LRRC4C: variants seen among roughly 807,000 people sequenced by gnomAD.
The protein encoded by LRRC4C is leucine rich repeat containing 4C, also known as leucine-rich repeat-containing protein 4C.
LRRC4C carries 5 observed loss-of-function variants against 33.6 expected under a neutral mutation model. The ratio of observed to expected loss-of-function variants is 0.15; its 90% CI spans 0.08 to 0.31. LRRC4C has a LOEUF of 0.31. Among genes scored for constraint, LRRC4C ranks in the 10% least tolerant of loss-of-function variants. LRRC4C has a pLI of 1.00. For synonymous variants in LRRC4C, 329 were observed against 302.0 expected (o/e 1.09, Z -0.93); for missense variants, 560 against 796.7 (o/e 0.70, Z 3.58).
At chr11:40,576,283 T>C (rs1958189161) in intron 3 of LRRC4C, among the ~76,000 whole-genome samples, 1 of 152,226 alleles carries the variant, frequency 6.6e-6, no homozygotes, top group Non-Finnish European at 1.5e-5. Context: ...TCCTAAATTG[T>C]GGAACTAAGC....
chr11:40,853,418 A>C (rs1398973828), intron 2 of LRRC4C, among the ~76,000 whole-genome samples: 1 of 148,254 alleles, frequency 6.7e-6, no homozygotes, highest in Admixed American at 6.8e-5. Flanking sequence ...AATTATATTT[A>C]TATATTTATA....
At chr11:40,133,257 G>T (rs1856765716) in intron 6 of LRRC4C, among the ~76,000 whole-genome samples, 1 of 152,082 alleles carries the variant, frequency 6.6e-6, no homozygotes, top group South Asian at 2.1e-4. Flanking sequence ...TACCCAGAAG[G>T]TGTATGGATT....
chr11:41,207,009 T>C (rs890573955), intron 1 of LRRC4C, among the ~76,000 whole-genome samples: 3 of 152,142 alleles, frequency 2.0e-5, no homozygotes, highest in Non-Finnish European at 4.4e-5. Context: ...GTATAATGTA[T>C]AGATTAGCAA....
At chr11:40,223,056 A>G (rs1864533411) in intron 5 of LRRC4C, among the ~76,000 whole-genome samples, 1 of 152,300 alleles carries the variant, frequency 6.6e-6, no homozygotes, top group East Asian at 1.9e-4. Context: ...TAAGAAATAT[A>G]CTAAAAATAA....
intron 3 of LRRC4C, among the ~76,000 whole-genome samples, chr11:40,448,886 T>G (rs961398527): frequency 6.6e-6 from 1 of 152,214 alleles, no homozygotes; most frequent in Admixed American, 6.5e-5. Flanking sequence ...GCATTCCTAT[T>G]TCTCTACATC....
At chr11:40,613,863 G>C (rs1961486317) in intron 3 of LRRC4C, among the ~76,000 whole-genome samples, 1 of 151,838 alleles carries the variant, frequency 6.6e-6, no homozygotes, top group South Asian at 2.1e-4. Context: ...CATTGCTAAT[G>C]AATGGTGATT....
chr11:40,538,465 T>C (rs1956567623), intron 3 of LRRC4C, among the ~76,000 whole-genome samples: 1 of 152,204 alleles, frequency 6.6e-6, no homozygotes, highest in Admixed American at 6.5e-5. Context: ...CATGAACTTA[T>C]CCTTTTTTGT....
At chr11:40,852,566 T>C (rs1323846664) in intron 2 of LRRC4C, among the ~76,000 whole-genome samples, 3 of 152,180 alleles carry the variant, frequency 2.0e-5, no homozygotes, top group Admixed American at 6.5e-5. Flanking sequence ...TTTTAAATGG[T>C]GTGTGTTAAC....
At chr11:41,142,087 A>G (rs1484208590) in intron 1 of LRRC4C, among the ~76,000 whole-genome samples, 1 of 152,208 alleles carries the variant, frequency 6.6e-6, no homozygotes, top group East Asian at 1.9e-4. Context: ...TATTACAATT[A>G]CAAAAGTCCC....
chr11:40,474,991 T>C (rs1953135604), intron 3 of LRRC4C, among the ~76,000 whole-genome samples: 1 of 152,214 alleles, frequency 6.6e-6, no homozygotes, highest in South Asian at 2.1e-4. Flanking sequence ...GGAACTCTTT[T>C]ACACTGTTGG....
At chr11:41,362,949 TTC>T (rs1225630131) in intron 1 of LRRC4C, among the ~76,000 whole-genome samples, 2 of 152,162 alleles carry the variant, frequency 1.3e-5, no homozygotes. Context: ...CATCTGCAAA[TTC>T]TCTTTTACCA....
At chr11:41,137,046 C>T (rs891733951) in intron 1 of LRRC4C, among the ~76,000 whole-genome samples, 3 of 151,986 alleles carry the variant, frequency 2.0e-5, no homozygotes, top group Non-Finnish European at 4.4e-5. Context: ...CCAGGAGTTA[C>T]AGACCAGCCT....
At chr11:40,564,371 A>C (rs1957672137) in intron 3 of LRRC4C, among the ~76,000 whole-genome samples, 1 of 152,180 alleles carries the variant, frequency 6.6e-6, no homozygotes, top group Admixed American at 6.5e-5. Flanking sequence ...AAGATGCCCT[A>C]GAAGATTATT....
At chr11:40,663,072 G>GATTT (rs748925521) in intron 2 of LRRC4C, among the ~76,000 whole-genome samples, 84 of 152,060 alleles carry the variant, frequency 5.5e-4, no homozygotes, top group East Asian at 4.1e-3. Flanking sequence ...GGATAAGATA[G>GATTT]ATTTATTTAT....
At chr11:41,209,151 CA>C (rs1946719683) in intron 1 of LRRC4C, among the ~76,000 whole-genome samples, 1 of 151,144 alleles carries the variant, frequency 6.6e-6, no homozygotes, top group Non-Finnish European at 1.5e-5. Context: ...CGCTGAGTCA[CA>C]AGTTTACCTA....
At chr11:40,671,666 T>TGTGTGTGC (rs1341416781) in intron 2 of LRRC4C, among the ~76,000 whole-genome samples, 1 of 106,484 alleles carries the variant, frequency 9.4e-6, no homozygotes, top group East Asian at 3.1e-4. Flanking sequence ...TGTGTGTGTG[T>TGTGTGTGC]GTGTGTGTGT....
intron 1 of LRRC4C, among the ~76,000 whole-genome samples, chr11:41,450,729 C>T (rs1955991955): frequency 6.6e-6 from 1 of 152,132 alleles, no homozygotes; most frequent in African/African-American, 2.4e-5. Context: ...TTACAAGGCT[C>T]TCTACGGGGC....
chr11:40,529,949 C>A (rs1456278611), intron 3 of LRRC4C, among the ~76,000 whole-genome samples: 1 of 151,950 alleles, frequency 6.6e-6, no homozygotes, highest in Non-Finnish European at 1.5e-5. Flanking sequence ...TGCTCATGTA[C>A]CCCAGAAATT....
chr11:40,799,343 T>A (rs1950952616), intron 2 of LRRC4C, among the ~76,000 whole-genome samples: 1 of 152,106 alleles, frequency 6.6e-6, no homozygotes, highest in South Asian at 2.1e-4. Flanking sequence ...TTATAATTAT[T>A]TGTCAATTAA....
Sources: gnomAD v4.1 joint callset for allele counts (sites outside exome capture counted in the v4.1 genomes callset) on GRCh38, gnomAD v4.1.1 for gene constraint, MANE v1.5 for transcripts, NCBI Gene and HGNC (gene_info 2026-07-23, HGNC 2026-07-21) for gene names.